The following WASF1 variants were observed in gnomAD, a reference collection of about 807,000 sequenced individuals.
WASF1 encodes actin-binding protein WASF1.
Under a neutral mutation model 50.5 loss-of-function variants are expected in WASF1, and 7 were observed. The observed-to-expected ratio is 0.14, with a 90% CI of 0.08 to 0.26. WASF1 has a LOEUF of 0.26. Ranked by LOEUF, WASF1 falls within the 10% of genes least tolerant of loss-of-function variation. The pLI is 1.00. For synonymous variants in WASF1, 205 were observed against 244.0 expected (o/e 0.84, Z 1.49); for missense variants, 470 against 694.7 (o/e 0.68, Z 3.64).
At chr6:110,153,859 T>C (rs982422074) in intron 3 of WASF1, among the ~76,000 whole-genome samples, 16 of 151,986 alleles carry the variant, frequency 1.1e-4, no homozygotes, top group Admixed American at 9.2e-4. Flanking sequence ...AGGTTTATGC[T>C]ATACGCCTGG....
chr6:110,166,004 G>T (rs1015706869), intron 2 of WASF1, among the ~76,000 whole-genome samples: 2 of 151,644 alleles, frequency 1.3e-5, no homozygotes, highest in Non-Finnish European at 3.0e-5. Flanking sequence ...AGGACAAGGG[G>T]TAAAAATGCA....
chr6:110,132,026 C>G (rs932521991), intron 3 of WASF1, among the ~76,000 whole-genome samples: 3 of 152,216 alleles, frequency 2.0e-5, no homozygotes, highest in African/African-American at 7.2e-5. Flanking sequence ...TTTCTATCCA[C>G]GAACATAATA....
Position 110,107,627 on chromosome 6 carries a change from G to C in WASF1, c.423-433C>G, listed in dbSNP as rs538247194. ...TCTTACTAAATCCAAAAGATATCATGTAATAGTCATTCTAACAGTCACATT... is the reference window on the plus strand; with the variant it reads ...TCTTACTAAATCCAAAAGATATCATCTAATAGTCATTCTAACAGTCACATT... On this transcript the variant is annotated intron_variant, in intron 6 of 10. Coordinates refer to ENST00000392589, the MANE Select transcript of WASF1 (RefSeq NM_003931.3). 1.1e-4 allele frequency among the ~76,000 whole-genome samples: 17 copies of C among 152,254 alleles called. No homozygotes were observed. The South Asian group carries it at 3.5e-3, about 32-fold the overall frequency.
At chr6:110,144,817 T>C (rs1305117949) in intron 3 of WASF1, among the ~76,000 whole-genome samples, 1 of 152,208 alleles carries the variant, frequency 6.6e-6, no homozygotes, top group Non-Finnish European at 1.5e-5. Context: ...CATTGGTCTA[T>C]CTCTCTGTTT....
At chr6:110,134,427 T>C (rs763796462) in intron 3 of WASF1, among the ~76,000 whole-genome samples, 3 of 151,950 alleles carry the variant, frequency 2.0e-5, no homozygotes, top group African/African-American at 7.3e-5. Flanking sequence ...GTGCCCTTTT[T>C]TTTTTTCTTT....
At chr6:110,155,536 CTTTTTTT>C (rs66645132) in intron 3 of WASF1, among the ~76,000 whole-genome samples, 95 of 45,972 alleles carry the variant, frequency 2.1e-3, no homozygotes, top group African/African-American at 3.9e-3. Flanking sequence ...AAAGTGCCTT[CTTTTTTT>C]TTTTTTTTTT....
chr6:110,176,985 T>A (rs892316586), intron 2 of WASF1, among the ~76,000 whole-genome samples: 12 of 152,100 alleles, frequency 7.9e-5, no homozygotes, highest in African/African-American at 2.9e-4. Context: ...CAAGGTACTA[T>A]GTACTGTGAT....
At chr6:110,111,662 A>G (rs1773562894) in intron 5 of WASF1, among the ~76,000 whole-genome samples, 1 of 152,218 alleles carries the variant, frequency 6.6e-6, no homozygotes, top group Non-Finnish European at 1.5e-5. Flanking sequence ...ACAAAAGACC[A>G]CATACTGTAC....
chr6:110,107,929 G>A (rs1773391953), intron 6 of WASF1, among the ~76,000 whole-genome samples: 1 of 152,012 alleles, frequency 6.6e-6, no homozygotes, highest in Admixed American at 6.6e-5. Flanking sequence ...CACTTTGAGA[G>A]GCCAAGGCGG....
chr6:110,138,820 C>T (rs74757701), intron 3 of WASF1, among the ~76,000 whole-genome samples: 13,026 of 152,174 alleles, frequency 0.086, 864 homozygotes, highest in African/African-American at 0.19. Context: ...TTGGAAAAGA[C>T]ACCATAAGTT....
At chr6:110,127,382 C>T (rs774114318) in intron 4 of WASF1, 87 bp downstream of exon 4, 30 of 1,205,606 alleles carry the variant, frequency 2.5e-5, no homozygotes, top group Non-Finnish European at 3.2e-5. Context: ...AAATCATACT[C>T]CCAAATTAAT....
chr6:110,120,648 G>T (rs1478088640), intron 4 of WASF1, among the ~76,000 whole-genome samples: 1 of 152,154 alleles, frequency 6.6e-6, no homozygotes. Context: ...TCCCCATCAA[G>T]CTACCAATGA....
At chr6:110,111,380 A>G (rs1436577754) in intron 5 of WASF1, among the ~76,000 whole-genome samples, 3 of 152,178 alleles carry the variant, frequency 2.0e-5, no homozygotes, top group African/African-American at 7.2e-5. Flanking sequence ...AAGAAAGACA[A>G]CCTAAAGAAG....
At chr6:110,106,953 A>C in intron 7 of WASF1, 124 bp downstream of exon 7, 1 of 686,184 alleles carries the variant, frequency 1.5e-6, no homozygotes, top group South Asian at 1.8e-5. Context: ...TAAAGACTTC[A>C]GTATTTAACT....
chr6:110,147,202 C>T (rs978947205), intron 3 of WASF1, among the ~76,000 whole-genome samples: 7 of 151,768 alleles, frequency 4.6e-5, no homozygotes, highest in African/African-American at 1.5e-4. Flanking sequence ...AAAAATTAGC[C>T]GGGCGTGGTG....
At chr6:110,179,379 G>C (rs1777102888) in intron 1 of WASF1, 60 bp downstream of exon 1, 2 of 152,712 alleles carry the variant, frequency 1.3e-5, no homozygotes, top group Admixed American at 6.5e-5. Context: ...CAGTAAGGAA[G>C]AGTTCCTCTC....
At chr6:110,172,790 G>C (rs1776772535) in intron 2 of WASF1, among the ~76,000 whole-genome samples, 1 of 152,056 alleles carries the variant, frequency 6.6e-6, no homozygotes, top group Non-Finnish European at 1.5e-5. Flanking sequence ...AAGAGTGGAA[G>C]GATAGATGGT....
rs769784003 is a variant in WASF1, at chr6:110,101,598, T to C, written c.1512A>G (p.Ala504=). Residue 504 remains alanine, a synonymous_variant, in exon 10 of 11, where the codon GCA becomes GCG. Coordinates refer to ENST00000392589, the MANE Select transcript of WASF1 (RefSeq NM_003931.3). ...AGCTGAGAAAATTACCTTTTCGTAT[T>C]GCTTCCAGTAGCACACTCCTGGCAT... is the stretch of plus-strand genomic sequence containing the variant. ...ISDARSVLLE[A]IRKGIQLRKV... 5 of 1,608,400 alleles carry C rather than the reference T, an allele frequency of 3.1e-6. No homozygotes were observed. The highest frequency in any genetic ancestry group is 3.4e-5 in the Admixed American group (2 of 59,582).
intron 3 of WASF1, among the ~76,000 whole-genome samples, chr6:110,154,912 C>A (rs1414019254): frequency 1.3e-5 from 2 of 151,972 alleles, no homozygotes; most frequent in African/African-American, 4.8e-5. Context: ...GAAAGTCAGG[C>A]ACATGTAAAA....
Sources: gnomAD v4.1 joint callset for allele counts (sites outside exome capture counted in the v4.1 genomes callset) on GRCh38, gnomAD v4.1.1 for gene constraint, MANE v1.5 for transcripts, NCBI Gene and HGNC (gene_info 2026-07-23, HGNC 2026-07-21) for gene names.